The following PDCD6IP variants were observed in gnomAD, a reference collection of about 807,000 sequenced individuals.
PDCD6IP encodes programmed cell death 6-interacting protein.
Under a neutral mutation model 103.7 loss-of-function variants are expected in PDCD6IP, and 43 were observed. That is an observed-to-expected ratio of 0.41 (90% CI 0.32 to 0.53). The LOEUF is 0.53. Among genes scored for constraint, PDCD6IP ranks in the 20% least tolerant of loss-of-function variants. The probability of loss-of-function intolerance (pLI) is 0.16; values close to 1 mark genes in which losing one functional copy is unlikely to be tolerated. For synonymous variants in PDCD6IP, 354 were observed against 378.7 expected, an observed-to-expected ratio of 0.93 and a Z score of 0.76; for missense variants, 871 against 1,036.7, an observed-to-expected ratio of 0.84 and a Z score of 2.20.
chr3:33,859,176 A>G (rs1575945670), intron 15 of PDCD6IP, among the ~76,000 whole-genome samples: 1 of 152,204 alleles, frequency 6.6e-6, no homozygotes, highest in African/African-American at 2.4e-5. Flanking sequence ...GAGGTGGACA[A>G]CTGCCCAGCC....
intron 10 of PDCD6IP, among the ~76,000 whole-genome samples, chr3:33,842,744 G>A (rs1057110784): frequency 2.6e-5 from 4 of 152,112 alleles, no homozygotes; most frequent in African/African-American, 9.7e-5. Context: ...TGCGGTCATG[G>A]CACATTTGTT....
chr3:33,826,790 T>C, intron 6 of PDCD6IP: 1 of 1,314,686 alleles, frequency 7.6e-7, no homozygotes, highest in African/African-American at 1.5e-5. Context: ...GTCTTTACCT[T>C]TTACTAAACT....
At chr3:33,836,297 T>C (rs1402832726) in intron 8 of PDCD6IP, 31 bp downstream of exon 8, 1 of 1,239,828 alleles carries the variant, frequency 8.1e-7, no homozygotes. Flanking sequence ...CACTTTAATC[T>C]CATTTTTCTC....
intron 12 of PDCD6IP, among the ~76,000 whole-genome samples, chr3:33,848,150 A>G (rs1275721805): frequency 6.6e-6 from 1 of 152,168 alleles, no homozygotes. Context: ...ACATATTGAC[A>G]ATGACTGGAA....
chr3:33,869,676 G>A lies in PDCD6IP; in HGVS notation c.*3151G>A, dbSNP rs1305024355. The stretch of plus-strand genomic sequence containing the variant: ...AACAAAAAGGTCCAGATGAATGTAT[G>A]CTAGAAATAAAAGTTGAAAGATTCT... On this transcript the variant is annotated 3_prime_UTR_variant, in exon 18 of 18. Coordinates refer to ENST00000307296, the MANE Select transcript of PDCD6IP (RefSeq NM_013374.6). 1 of 152,148 alleles carries A rather than the reference G, an allele frequency of 6.6e-6. No individual in the cohort carries two copies. Among genetic ancestry groups the A allele is most frequent in the Non-Finnish European group, 1.5e-5 (1 of 68,030 alleles). The allele number at this position is 152,148 out of a possible 1,614,324, so 9.4% of individuals were successfully genotyped here. A position where few individuals can be genotyped will look rare whatever the true frequency, so the allele number is the denominator to read the frequency against.
chr3:33,825,449 C>G, intron 5 of PDCD6IP, 109 bp downstream of exon 5: 1 of 943,002 alleles, frequency 1.1e-6, no homozygotes, highest in Non-Finnish European at 1.5e-6. Context: ...CCTTCTTGAA[C>G]TTGATACATG....
At chr3:33,863,632 G>A (rs540833251) in intron 15 of PDCD6IP, among the ~76,000 whole-genome samples, 1 of 152,268 alleles carries the variant, frequency 6.6e-6, no homozygotes, top group East Asian at 1.9e-4. Context: ...ATTCCATGGT[G>A]TATATATACT....
intron 1 of PDCD6IP, among the ~76,000 whole-genome samples, chr3:33,808,601 C>T (rs1696649289): frequency 6.6e-6 from 1 of 152,172 alleles, no homozygotes; most frequent in African/African-American, 2.4e-5. Context: ...ATCACTTCTG[C>T]TGCCACCGTG....
chr3:33,811,198 G>A, intron 1 of PDCD6IP: 1 of 241,920 alleles, frequency 4.1e-6, no homozygotes. Flanking sequence ...TCAGGTATTT[G>A]TATCTCTGAC....
chr3:33,822,265 T>C (rs1697010002), intron 4 of PDCD6IP, among the ~76,000 whole-genome samples, 183 bp downstream of exon 4: 1 of 152,272 alleles, frequency 6.6e-6, no homozygotes, highest in Non-Finnish European at 1.5e-5. Context: ...AGACCAGGTC[T>C]GTTATTCCTC....
At chr3:33,803,150 T>C (rs1049810808) in intron 1 of PDCD6IP, among the ~76,000 whole-genome samples, 21 of 152,234 alleles carry the variant, frequency 1.4e-4, no homozygotes, top group Non-Finnish European at 1.5e-5. Context: ...TAGTGGGTTT[T>C]GGCGGGGAGC....
intron 9 of PDCD6IP, among the ~76,000 whole-genome samples, chr3:33,841,465 G>A (rs1233812974): frequency 4.1e-5 from 5 of 121,352 alleles, no homozygotes; most frequent in Non-Finnish European, 8.2e-5. Context: ...TTGAGACGGA[G>A]TTTCGCTGTG....
At chr3:33,857,528 A>G (rs978855670) in intron 15 of PDCD6IP, among the ~76,000 whole-genome samples, 3 of 152,216 alleles carry the variant, frequency 2.0e-5, no homozygotes, top group African/African-American at 4.8e-5. Context: ...AAAACAGTCT[A>G]CAGACCAGTT....
intron 12 of PDCD6IP, 116 bp from the exon 13 acceptor site, chr3:33,852,372 T>C: frequency 7.0e-7 from 1 of 1,420,732 alleles, no homozygotes; most frequent in Non-Finnish European, 9.2e-7. Flanking sequence ...TATTTGGCTC[T>C]CTGAGAAATC....
intron 15 of PDCD6IP, 70 bp downstream of exon 15, chr3:33,855,330 GT>G (rs921123548): frequency 6.9e-5 from 65 of 936,768 alleles, no homozygotes; most frequent in Middle Eastern, 2.1e-4. Context: ...GAGACTTTTG[GT>G]ATGAACTTGG....
intron 7 of PDCD6IP, among the ~76,000 whole-genome samples, chr3:33,834,111 C>T (rs942407757): frequency 1.3e-5 from 2 of 152,116 alleles, no homozygotes; most frequent in Non-Finnish European, 2.9e-5. Context: ...TCTGCTCCCC[C>T]TAGCAACCCT....
intron 1 of PDCD6IP, among the ~76,000 whole-genome samples, chr3:33,805,542 C>A (rs1348356770): frequency 6.6e-6 from 1 of 151,730 alleles, no homozygotes; most frequent in Non-Finnish European, 1.5e-5. Flanking sequence ...TCAAGCAATC[C>A]TACTTCAACC....
chr3:33,852,798 C>T (rs1697747894), intron 13 of PDCD6IP, 62 bp downstream of exon 13: 1 of 1,492,306 alleles, frequency 6.7e-7, no homozygotes, highest in African/African-American at 1.4e-5. Flanking sequence ...TATGTCTGGA[C>T]TAAACCTATA....
In PDCD6IP at chr3:33,828,477, C is replaced by G. The variant is rs369595158; in HGVS notation, c.718-376C>G. ...TGGGTAAGGGCTCATAAGAAAGCTT[C>G]TAAAGCTCTGTGCTTTGTGTTCCTC... On this transcript the variant is annotated intron_variant, in intron 6 of 17. Transcript: ENST00000307296. 58 of 158,922 alleles carry G rather than the reference C, an allele frequency of 3.6e-4. No homozygotes were observed. The East Asian group carries it at 7.7e-3, about 21-fold the overall frequency. 9.8% of individuals were successfully genotyped at this position (158,922 alleles called of 1,614,324 possible).
Sources: allele counts gnomAD v4.1 joint callset (sites outside exome capture counted in the v4.1 genomes callset), GRCh38; gene constraint gnomAD v4.1.1; transcripts MANE v1.5; gene names NCBI Gene and HGNC (gene_info 2026-07-23, HGNC 2026-07-21).